ZFP36L1: variants seen among roughly 807,000 people sequenced by gnomAD.
The protein encoded by ZFP36L1 is mRNA decay activator protein ZFP36L1.
In ZFP36L1, 4 loss-of-function variants were observed where a neutral mutation model predicts 16.7. The ratio of observed to expected loss-of-function variants is 0.24; its 90% CI spans 0.12 to 0.55. The LOEUF (loss-of-function observed/expected upper bound fraction) is 0.55, where lower values mean the gene tolerates loss of function less well. Among genes scored for constraint, ZFP36L1 ranks in the 20% least tolerant of loss-of-function variants. The pLI is 0.94. For synonymous variants in ZFP36L1, 220 were observed against 190.8 expected, an observed-to-expected ratio of 1.15 and a Z score of -1.26; for missense variants, 311 against 449.2, an observed-to-expected ratio of 0.69 and a Z score of 2.78.
chr14:68,790,118 G>A lies in ZFP36L1; in HGVS notation c.432C>T (p.Leu144=). ...ACTTGGGGTGGCGGGTCAGGCTGCG[G>A]AGCTCGTGGATGCCGTGTGCGAACT... ...KCQFAHGIHE[L]RSLTRHPKYK... The change falls in exon 2 of 2, where the codon CTC becomes CTT. Residue 144 remains leucine, a synonymous_variant. Transcript: ENST00000439696. The A allele has an allele frequency of 1.9e-6, 3 of 1,610,968 alleles. No individual in the cohort carries two copies. The highest frequency in any genetic ancestry group is 1.7e-6 in the Non-Finnish European group (2 of 1,177,968).
At chr14:68,793,966 ATTGT>A (rs1367786105), upstream of ZFP36L1, 37 of 980,732 alleles carry the variant, frequency 3.8e-5, no homozygotes, top group Admixed American at 4.3e-4. Flanking sequence ...ACCCGGGACG[ATTGT>A]TTGTTTTACC....
In ZFP36L1 at chr14:68,789,369, AGGG is replaced by A. The variant is rs1163351109; in HGVS notation, c.*161_*163del. ...TGTCCTTATGTTAGGTGGGGTTATG[AGGG>A]GGAGAGGGAGGGCACATTCTGAGGT... On this transcript the variant is annotated 3_prime_UTR_variant, in exon 2 of 2. Coordinates refer to ENST00000439696, the MANE Select transcript of ZFP36L1 (RefSeq NM_004926.4). The surrounding 1 kb of genome is among the most constrained non-coding windows in gnomAD (Gnocchi z 4.5). The A allele has an allele frequency of 1.0e-6, 1 of 1,004,668 alleles. No homozygotes were observed. The highest frequency in any genetic ancestry group is 1.4e-6 in the Non-Finnish European group (1 of 701,644). The allele number at this position is 1,004,668 out of a possible 1,614,324, so 62.2% of individuals were successfully genotyped here.
upstream of ZFP36L1, chr14:68,796,173 G>T (rs970942079): frequency 1.5e-6 from 2 of 1,366,652 alleles, no homozygotes; most frequent in Non-Finnish European, 2.0e-6. Context: ...GTCCCTTCGT[G>T]GGGAGGGGCG....
chr14:68,795,782 C>A (rs747296434), upstream of ZFP36L1: 1 of 534,476 alleles, frequency 1.9e-6, no homozygotes, highest in Non-Finnish European at 3.8e-6. Context: ...TTTAAATTGT[C>A]GGGTTGAAAC....
At chr14:68,796,104 T>G, upstream of ZFP36L1, 2 of 1,362,178 alleles carry the variant, frequency 1.5e-6, no homozygotes. Flanking sequence ...CGGGAGGCGG[T>G]GGGCCGGCTC....
chr14:68,792,952 G>A lies in ZFP36L1; in HGVS notation c.-14C>T, dbSNP rs1281848052. The A allele has an allele frequency of 6.2e-7, 1 of 1,613,676 alleles. No individual in the cohort carries two copies. Among genetic ancestry groups the A allele is most frequent in the Non-Finnish European group, 8.5e-7 (1 of 1,179,914 alleles). On this transcript the variant is annotated 5_prime_UTR_variant, in exon 1 of 2. Coordinates refer to ENST00000439696, the MANE Select transcript of ZFP36L1 (RefSeq NM_004926.4). Reference sequence around the variant, plus strand: ...GGTGGTGGTCATCCTGTGCGTTCGCGCGAGCCAGGGGCGAGGATCTGGTGT... The same window carrying A: ...GGTGGTGGTCATCCTGTGCGTTCGCACGAGCCAGGGGCGAGGATCTGGTGT...
intron 1 of ZFP36L1, among the ~76,000 whole-genome samples, chr14:68,792,327 C>A (rs2140211677): frequency 6.6e-6 from 1 of 152,306 alleles, no homozygotes; most frequent in East Asian, 1.9e-4. Flanking sequence ...CTAGGGCGGA[C>A]TCAAGCCCCA....
upstream of ZFP36L1, chr14:68,793,504 T>C (rs1895167508): frequency 1.0e-6 from 1 of 986,182 alleles, no homozygotes; most frequent in African/African-American, 1.7e-5. Flanking sequence ...TGTTGTCATG[T>C]TGTTGTTTTT....
At chr14:68,792,610 G>C (rs1275536779) in intron 1 of ZFP36L1, among the ~76,000 whole-genome samples, 3 of 152,004 alleles carry the variant, frequency 2.0e-5, no homozygotes, top group South Asian at 2.1e-4. Context: ...CCCTCCCCCC[G>C]AAGCCCCCGG....
upstream of ZFP36L1, chr14:68,793,728 C>T (rs1365461710): frequency 6.1e-6 from 6 of 985,398 alleles, no homozygotes; most frequent in African/African-American, 1.7e-5. Flanking sequence ...TTGGGACGCA[C>T]AGAATGTTCA....
At chr14:68,794,065 T>A, upstream of ZFP36L1, 1 of 503,872 alleles carries the variant, frequency 2.0e-6, no homozygotes, top group Non-Finnish European at 2.6e-6. Flanking sequence ...GAATGCCCCT[T>A]CCTCCCAGAA....
At chr14:68,792,188 C>A (rs564967411) in intron 1 of ZFP36L1, among the ~76,000 whole-genome samples, 2 of 151,918 alleles carry the variant, frequency 1.3e-5, no homozygotes, top group East Asian at 3.9e-4. Flanking sequence ...GCCACCTCCC[C>A]CCCCAACCCC....
At chr14:68,793,413 G>A (rs139645472), upstream of ZFP36L1, 1 of 999,488 alleles carries the variant, frequency 1.0e-6, no homozygotes, top group African/African-American at 1.7e-5. Flanking sequence ...CGCGGGCGCA[G>A]AGCGGGAGGG....
chr14:68,793,815 CTT>C (rs1895177301), upstream of ZFP36L1: 1 of 983,646 alleles, frequency 1.0e-6, no homozygotes. Context: ...ACTAGGGAAA[CTT>C]TTTCCCCAGG....
At chr14:68,796,115 C>T (rs1895249868), upstream of ZFP36L1, 5 of 1,364,598 alleles carry the variant, frequency 3.7e-6, no homozygotes, top group Non-Finnish European at 4.9e-6. Context: ...GGGCCGGCTC[C>T]TCTGTCCCAG....
At chr14:68,796,183 G>A (rs776697960), upstream of ZFP36L1, 3 of 1,366,542 alleles carry the variant, frequency 2.2e-6, no homozygotes, top group Admixed American at 3.8e-5. Context: ...GGGGAGGGGC[G>A]GCCCAGGTAT....
rs1594715371 is a variant in ZFP36L1 at position 68,788,527 on chromosome 14, C to G, written c.*1006G>C. On this transcript the variant is annotated 3_prime_UTR_variant, in exon 2 of 2. Transcript: ENST00000439696. ...AGAGCAAAAACCATTAAAGCTACTT[C>G]TACAGGAAATCGTTTTACACAGATA... is the stretch of plus-strand genomic sequence containing the variant. The G allele has an allele frequency of 6.6e-6, 1 of 152,460 alleles. No homozygotes were observed. 9.4% of individuals were successfully genotyped at this position (152,460 alleles called of 1,614,324 possible). A position where few individuals can be genotyped will look rare whatever the true frequency, so the allele number is the denominator to read the frequency against.
chr14:68,792,640 T>C (rs1895124305), intron 1 of ZFP36L1, among the ~76,000 whole-genome samples: 3 of 152,112 alleles, frequency 2.0e-5, no homozygotes, highest in South Asian at 2.1e-4. Context: ...CCAGGCAAAC[T>C]TCGCCCCTCA....
chr14:68,793,749 T>C (rs1263085669), upstream of ZFP36L1: 6 of 985,294 alleles, frequency 6.1e-6, no homozygotes, highest in Admixed American at 6.1e-5. Context: ...AGCCTAGGAT[T>C]TTATGTTGCT....
Sources: gnomAD v4.1 joint callset for allele counts (sites outside exome capture counted in the v4.1 genomes callset) on GRCh38, gnomAD v4.1.1 for gene constraint, Gnocchi (gnomAD v3.1) non-coding constraint, MANE v1.5 for transcripts, NCBI Gene and HGNC (gene_info 2026-07-23, HGNC 2026-07-21) for gene names.